The following CSMD2 variants were observed in gnomAD, a reference collection of about 807,000 sequenced individuals.
CSMD2 encodes CUB and Sushi multiple domains 2.
Under a neutral mutation model 398.5 loss-of-function variants are expected in CSMD2, and 130 were observed. The ratio of observed to expected loss-of-function variants is 0.33; its 90% CI spans 0.28 to 0.38. CSMD2 has a LOEUF of 0.38. Among genes scored for constraint, CSMD2 ranks in the 10% least tolerant of loss-of-function variants. The pLI, the probability that CSMD2 is intolerant of heterozygous loss-of-function variation, is 1.00. For synonymous variants in CSMD2, 1,828 were observed against 1,908.5 expected, an observed-to-expected ratio of 0.96 and a Z score of 1.10; for missense variants, 3,829 against 4,764.9, an observed-to-expected ratio of 0.80 and a Z score of 5.78.
At chr1:33,570,457 C>T (rs1659497455) in intron 51 of CSMD2, among the ~76,000 whole-genome samples, 1 of 151,888 alleles carries the variant, frequency 6.6e-6, no homozygotes, top group South Asian at 2.1e-4. Flanking sequence ...TATGCCCAAC[C>T]TGGATCACAG....
intron 10 of CSMD2, among the ~76,000 whole-genome samples, chr1:33,803,739 C>T (rs1471665592): frequency 6.6e-6 from 1 of 151,874 alleles, no homozygotes; most frequent in Non-Finnish European, 1.5e-5. Flanking sequence ...TAGGTAACTG[C>T]TTCATCCTCC....
In CSMD2 at chr1:33,624,926, C is replaced by A; in HGVS notation, c.5500+125G>T. 9.6e-7 allele frequency: 1 copy of A among 1,044,104 alleles called. No homozygotes were observed. 64.7% of individuals were successfully genotyped at this position (1,044,104 alleles called of 1,614,324 possible). On this transcript the variant is annotated intron_variant, in intron 34 of 70. Coordinates refer to ENST00000373381, the MANE Select transcript of CSMD2 (RefSeq NM_001281956.2). This position sits in a 1 kb window ranked among gnomAD's most constrained non-coding sequence, Gnocchi z 4.7. ...TGGGGTTGACTGGGACACCCCACCT[C>A]AGCCATGCGGTGGGAAGCGGCTGCT...
intron 1 of CSMD2, among the ~76,000 whole-genome samples, chr1:34,148,474 C>T (rs537258870): frequency 6.6e-6 from 1 of 152,358 alleles, no homozygotes; most frequent in African/African-American, 2.4e-5. Context: ...TTTGATCTGA[C>T]AACCACTTGA....
At chr1:34,064,756 C>T (rs1654917947) in intron 2 of CSMD2, among the ~76,000 whole-genome samples, 1 of 152,124 alleles carries the variant, frequency 6.6e-6, no homozygotes, top group Non-Finnish European at 1.5e-5. Flanking sequence ...CTGTATTAGT[C>T]CATTTTCATG....
In CSMD2 at chr1:33,533,684, G is replaced by C; in HGVS notation, c.9991+112C>G. 1.4e-6 allele frequency: 1 copy of C among 694,590 alleles called. No homozygotes were observed. The highest frequency in any genetic ancestry group is 2.6e-6 in the Non-Finnish European group (1 of 390,104). The allele number at this position is 694,590 out of a possible 1,614,324, so 43.0% of individuals were successfully genotyped here. ...AAGGACTACAAAGAGACCGATGTCG[G>C]TTCGCATGGGGAGTTGTGAACTCCC... On this transcript the variant is annotated intron_variant, in intron 63 of 70. Coordinates refer to ENST00000373381, the MANE Select transcript of CSMD2 (RefSeq NM_001281956.2). The surrounding 1 kb of genome is among the most constrained non-coding windows in gnomAD (Gnocchi z 4.2).
intron 2 of CSMD2, among the ~76,000 whole-genome samples, chr1:34,065,208 C>T (rs1423846309): frequency 6.6e-6 from 1 of 152,146 alleles, no homozygotes; most frequent in Non-Finnish European, 1.5e-5. Flanking sequence ...TTACAGACAG[C>T]TTGAAACAGA....
rs1323487833 is a variant in CSMD2 at position 33,768,531 on chromosome 1, CGTGCAT to C, written c.1846+4032_1846+4037del. On this transcript the variant is annotated intron_variant, in intron 13 of 70. Transcript: ENST00000373381. ...TACCCAATTCATCCCGGAATGTGTG[CGTGCAT>C]GTGTGTGTGTGTGTGTGTGTGTGTG... 7.2e-5 allele frequency among the ~76,000 whole-genome samples: 9 copies of C among 125,708 alleles called. No individual in the cohort carries two copies. The East Asian group carries it at 2.2e-3, about 31-fold the overall frequency. The allele number at this position is 125,708 out of a possible 152,430, so 82.5% of individuals were successfully genotyped here.
intron 6 of CSMD2, 69 bp downstream of exon 6, chr1:33,846,815 G>A: frequency 1.0e-6 from 1 of 960,564 alleles, no homozygotes; most frequent in Admixed American, 2.5e-5. Flanking sequence ...GTAGGGAGAG[G>A]TGATGAGCCC....
intron 37 of CSMD2, among the ~76,000 whole-genome samples, chr1:33,618,887 G>A (rs1176840558): frequency 6.6e-6 from 1 of 151,958 alleles, no homozygotes; most frequent in Non-Finnish European, 1.5e-5. Flanking sequence ...GCCAAGCCCT[G>A]AGGCCACATG....
chr1:34,074,648 A>G (rs1210187409), intron 2 of CSMD2, among the ~76,000 whole-genome samples: 2 of 152,202 alleles, frequency 1.3e-5, no homozygotes, highest in East Asian at 1.9e-4. Flanking sequence ...GAGAGCTACA[A>G]TGAAAAGTAA....
chr1:33,946,068 TA>T (rs1312285002), intron 3 of CSMD2, among the ~76,000 whole-genome samples: 2 of 152,136 alleles, frequency 1.3e-5, no homozygotes, highest in Non-Finnish European at 2.9e-5. Context: ...CAGGTAATTT[TA>T]AAAAATACAA....
At chr1:33,614,761 T>A (rs1641276909) in intron 39 of CSMD2, 141 bp from the exon 40 acceptor site, 1 of 586,378 alleles carries the variant, frequency 1.7e-6, no homozygotes, top group South Asian at 2.2e-5. Context: ...AAAGGAATCT[T>A]CTTAAAAGAC....
At chr1:34,098,545 AT>A (rs1659632137) in intron 1 of CSMD2, among the ~76,000 whole-genome samples, 1 of 152,110 alleles carries the variant, frequency 6.6e-6, no homozygotes, top group Non-Finnish European at 1.5e-5. Context: ...AGCATCATAA[AT>A]GACACTTATG....
intron 25 of CSMD2, among the ~76,000 whole-genome samples, chr1:33,678,486 A>T (rs1644795841): frequency 6.6e-6 from 1 of 152,104 alleles, no homozygotes; most frequent in East Asian, 1.9e-4. Context: ...CCCATCGCTG[A>T]TGTGAGTCAT....
rs1641264787 is a variant in CSMD2, at chr1:33,614,627, C to A, written c.6017-7G>T. The A allele has an allele frequency of 1.3e-6, 2 of 1,533,244 alleles. No homozygotes were observed. The highest frequency in any genetic ancestry group is 2.2e-5 in the East Asian group (1 of 44,474). The allele number at this position is 1,533,244 out of a possible 1,614,324, so 95.0% of individuals were successfully genotyped here. On this transcript the variant is annotated splice_polypyrimidine_tract_variant and splice_region_variant and intron_variant, in intron 39 of 70. Coordinates refer to ENST00000373381, the MANE Select transcript of CSMD2 (RefSeq NM_001281956.2). ...ACTGTTCCCCCACACTGTGCTGTGA[C>A]AATGAGATGAGACAGAGGGTCAGGA... is the stretch of plus-strand genomic sequence containing the variant.
intron 5 of CSMD2, among the ~76,000 whole-genome samples, chr1:33,904,220 G>C (rs1337875464): frequency 6.6e-6 from 1 of 152,198 alleles, no homozygotes; most frequent in Non-Finnish European, 1.5e-5. Flanking sequence ...GGGAGACAAG[G>C]CCCCCGAGCA....
chr1:33,868,093 G>A (rs1051288396), intron 5 of CSMD2, among the ~76,000 whole-genome samples: 3 of 152,144 alleles, frequency 2.0e-5, no homozygotes, highest in Admixed American at 6.5e-5. Context: ...GGAAGGAGGA[G>A]GAGAAGTTGG....
In CSMD2 at chr1:33,519,372, G is replaced by GGT; in HGVS notation, c.*53+91_*53+92dup. 1.4e-6 allele frequency: 1 copy of GGT among 715,012 alleles called. No individual in the cohort carries two copies. The highest frequency in any genetic ancestry group is 2.4e-6 in the Non-Finnish European group (1 of 422,946). 44.3% of individuals were successfully genotyped at this position (715,012 alleles called of 1,614,324 possible). ...CTCCTCTTACTGGGTGTGTCTATGT[G>GGT]GTGTGTGCGACTCCGTTGGGTGGAG... On this transcript the variant is annotated intron_variant, in intron 70 of 70. Transcript: ENST00000373381. The surrounding 1 kb of genome is among the most constrained non-coding windows in gnomAD (Gnocchi z 5.6).
intron 3 of CSMD2, among the ~76,000 whole-genome samples, chr1:34,018,304 T>C (rs1042126774): frequency 1.3e-5 from 2 of 152,238 alleles, no homozygotes; most frequent in African/African-American, 4.8e-5. Context: ...CTGTTGGACA[T>C]TTTTACAGTT....
Sources: allele counts gnomAD v4.1 joint callset (sites outside exome capture counted in the v4.1 genomes callset), GRCh38; gene constraint gnomAD v4.1.1; non-coding constraint Gnocchi (gnomAD v3.1); transcripts MANE v1.5; gene names NCBI Gene and HGNC (gene_info 2026-07-23, HGNC 2026-07-21).